COL6A6: variants seen among roughly 807,000 people sequenced by gnomAD.
The protein encoded by COL6A6 is collagen type VI alpha 6 chain.
A neutral mutation model predicts 208.6 loss-of-function variants in COL6A6; 183 were observed. The ratio of observed to expected loss-of-function variants is 0.88; its 90% CI spans 0.78 to 0.99. The LOEUF (loss-of-function observed/expected upper bound fraction) is 0.99, where lower values mean the gene tolerates loss of function less well. COL6A6 is among the 50% of genes least tolerant of loss of function. The pLI, the probability that COL6A6 is intolerant of heterozygous loss-of-function variation, is 0.00. For missense variants in COL6A6, 2,816 were observed against 2,815.2 expected (o/e 1.00, Z -0.01); for synonymous variants, 973 against 1,011.8 (o/e 0.96, Z 0.73).
intron 12 of COL6A6, chr3:130,590,081 T>A (rs566872921): frequency 4.8e-6 from 2 of 415,528 alleles, no homozygotes; most frequent in Admixed American, 5.3e-5. Flanking sequence ...CTTAAAAGAT[T>A]TTTTAATAAA....
At chr3:130,578,238 T>A (rs1560018465) in intron 8 of COL6A6, among the ~76,000 whole-genome samples, 1 of 152,270 alleles carries the variant, frequency 6.6e-6, no homozygotes, top group East Asian at 1.9e-4. Context: ...ATTAGTCTCA[T>A]TAGGGTAAGA....
Position 130,565,425 on chromosome 3 carries a change from C to T in COL6A6, c.1093C>T (p.Leu365=). 1 of 1,613,926 alleles carries T rather than the reference C, an allele frequency of 6.2e-7. No individual in the cohort carries two copies. The highest frequency in any genetic ancestry group is 1.1e-5 in the South Asian group (1 of 91,078). The change falls in exon 4 of 37, where the codon CTG becomes TTG. Residue 365 remains leucine, a synonymous_variant. Transcript: ENST00000358511. ...LRREGVTIFT[L]GIEGASDTQL... ...ACGGGAGGGTGTGACCATCTTCACC[C>T]TGGGCATAGAGGGCGCCAGCGACAC... is the stretch of plus-strand genomic sequence containing the variant.
chr3:130,560,381 T>C lies in COL6A6; in HGVS notation c.17T>C (p.Leu6Ser). ...GGTCATAATATGATGTTGCTAATTT[T>C]GTTCCTCGTGATAATTTGTTCCCAT... MMLLI[L>S]FLVIICSHIS... Residue 6 changes from leucine (L) to serine (S), a missense_variant, in exon 2 of 37, where the codon TTG (leucine) becomes TCG (serine). Transcript: ENST00000358511. 1 of 1,612,102 alleles carries C rather than the reference T, an allele frequency of 6.2e-7. No homozygotes were observed. Among genetic ancestry groups the C allele is most frequent in the South Asian group, 1.1e-5 (1 of 90,296 alleles).
chr3:130,521,400 G>T (rs544131849), intron 1 of COL6A6, among the ~76,000 whole-genome samples: 3 of 152,290 alleles, frequency 2.0e-5, no homozygotes, highest in African/African-American at 7.2e-5. Context: ...ACCACAGTAT[G>T]TCAAATGGTC....
chr3:130,607,679 C>A (rs2064225436), intron 21 of COL6A6, among the ~76,000 whole-genome samples: 1 of 151,876 alleles, frequency 6.6e-6, no homozygotes, highest in African/African-American at 2.4e-5. Context: ...GTAATACATG[C>A]CAGAAAATAA....
Position 130,563,395 on chromosome 3 carries a change from T to C in COL6A6, c.392T>C (p.Phe131Ser). The C allele has an allele frequency of 6.2e-7, 1 of 1,613,990 alleles. No homozygotes were observed. The highest frequency in any genetic ancestry group is 2.2e-5 in the East Asian group (1 of 44,876). ...GCAAATGGGAGAGACAAGAAACAGTTTCCCCCAATTCTAGTGGTCCTGGCT... is the reference window on the plus strand; with the variant it reads ...GCAAATGGGAGAGACAAGAAACAGTCTCCCCCAATTCTAGTGGTCCTGGCT... ...APANGRDKKQFPPILVVLASS... is the reference protein window; with the variant it reads ...APANGRDKKQSPPILVVLASS... Residue 131 changes from phenylalanine to serine, a missense_variant, in exon 3 of 37, where the codon TTT becomes TCT. By Grantham distance (155) the Phe-to-Ser change is radical (BLOSUM62 -2). Coordinates refer to ENST00000358511, the MANE Select transcript of COL6A6 (RefSeq NM_001102608.3).
intron 22 of COL6A6, 83 bp downstream of exon 22, chr3:130,609,047 C>T: frequency 1.0e-6 from 1 of 980,102 alleles, no homozygotes; most frequent in Non-Finnish European, 1.6e-6. Context: ...TAGAAACCTT[C>T]AAATCTCCCT....
At chr3:130,623,150 T>C (rs1251229953) in intron 24 of COL6A6, among the ~76,000 whole-genome samples, 1 of 152,046 alleles carries the variant, frequency 6.6e-6, no homozygotes, top group Non-Finnish European at 1.5e-5. Flanking sequence ...AATAGGCAAC[T>C]CAGTGTAGAA....
At chr3:130,655,576 G>A (rs2065765155) in intron 33 of COL6A6, among the ~76,000 whole-genome samples, 1 of 152,180 alleles carries the variant, frequency 6.6e-6, no homozygotes, top group East Asian at 1.9e-4. Flanking sequence ...AGATCAATGG[G>A]CACAGTGGAC....
At position 130,560,240 on chromosome 3, in the gene COL6A6, C is replaced by T. The variant is rs1042366601; in HGVS notation, c.-31-94C>T. On this transcript the variant is annotated intron_variant, in intron 1 of 36. Transcript: ENST00000358511. ...CAGAAATTCCTTGTCCCCTGTTACA[C>T]CCAATTTATTATATAATTTTGTATG... is the stretch of plus-strand genomic sequence containing the variant. The T allele has an allele frequency of 1.3e-5, 9 of 695,728 alleles. No homozygotes were observed. The African/African-American group carries it at 1.5e-4, about 11-fold the overall frequency. The allele number at this position is 695,728 out of a possible 1,614,324, so 43.1% of individuals were successfully genotyped here.
chr3:130,535,089 C>G (rs562405427), intron 1 of COL6A6, among the ~76,000 whole-genome samples: 1 of 150,636 alleles, frequency 6.6e-6, no homozygotes, highest in Non-Finnish European at 1.5e-5. Context: ...AAATTCTCAT[C>G]CATGACCTCC....
chr3:130,658,311 C>G (rs1324028947), intron 33 of COL6A6, among the ~76,000 whole-genome samples: 1 of 152,166 alleles, frequency 6.6e-6, no homozygotes, highest in Non-Finnish European at 1.5e-5. Flanking sequence ...GAGCATAACT[C>G]ACTGTATTGC....
chr3:130,535,026 G>A (rs1218050645), intron 1 of COL6A6, among the ~76,000 whole-genome samples: 1 of 152,016 alleles, frequency 6.6e-6, no homozygotes, highest in Non-Finnish European at 1.5e-5. Context: ...CTCAAGTCAA[G>A]TCTTCATTTG....
Position 130,568,069 on chromosome 3 carries a change from C to G in COL6A6, c.1866C>G (p.Asp622Glu). 7 of 1,611,206 alleles carry G rather than the reference C, an allele frequency of 4.3e-6. No homozygotes were observed. Among genetic ancestry groups the G allele is most frequent in the Non-Finnish European group, 5.9e-6 (7 of 1,178,638 alleles). ...CAGCTTGCAAAGAGATGAAAGCTGA[C>G]ATCATGTTTCTGGTGGACAGTTCTG... The part of the protein sequence containing the change: ...TEEACKEMKA[D>E]IMFLVDSSGS... The change falls in exon 6 of 37, where the codon GAC becomes GAG. Residue 622 changes from aspartate to glutamate, a missense_variant. Transcript: ENST00000358511.
At chr3:130,653,727 T>C (rs1446767628) in intron 33 of COL6A6, among the ~76,000 whole-genome samples, 1 of 152,242 alleles carries the variant, frequency 6.6e-6, no homozygotes, top group Non-Finnish European at 1.5e-5. Context: ...CTAACTATAC[T>C]TATTCCAGTG....
intron 23 of COL6A6, 48 bp downstream of exon 23, chr3:130,610,759 T>C: frequency 1.5e-6 from 2 of 1,373,628 alleles, no homozygotes; most frequent in Non-Finnish European, 2.0e-6. Context: ...CTTGGCTTGA[T>C]ATGTCTTTGT....
At position 130,644,975 on chromosome 3, in the gene COL6A6, TG is replaced by T; in HGVS notation, c.5228-15del. 1 of 1,610,622 alleles carries T rather than the reference TG, an allele frequency of 6.2e-7. No homozygotes were observed. Among genetic ancestry groups the T allele is most frequent in the South Asian group, 1.1e-5 (1 of 91,026 alleles). Reference sequence around the variant, plus strand: ...TACCAAATAATAATCCAATCTCCTTTGTTCTTCTTCCCCAGCTGGCAGGCAT... The same window carrying T: ...TACCAAATAATAATCCAATCTCCTTTTTCTTCTTCCCCAGCTGGCAGGCAT... On this transcript the variant is annotated splice_polypyrimidine_tract_variant and intron_variant, in intron 31 of 36. Coordinates refer to ENST00000358511, the MANE Select transcript of COL6A6 (RefSeq NM_001102608.3).
intron 1 of COL6A6, among the ~76,000 whole-genome samples, chr3:130,551,563 A>G (rs889794167): frequency 1.3e-5 from 2 of 148,630 alleles, no homozygotes; most frequent in Non-Finnish European, 3.0e-5. Flanking sequence ...TGTTTTCTGT[A>G]TTAGTCTAGC....
intron 36 of COL6A6, among the ~76,000 whole-genome samples, chr3:130,672,045 C>T (rs971624415): frequency 5.3e-5 from 8 of 152,314 alleles, no homozygotes; most frequent in East Asian, 1.9e-4. Flanking sequence ...TTCCAAAGTA[C>T]GTTTTCTGGG....
Sources: gnomAD v4.1 joint callset for allele counts (sites outside exome capture counted in the v4.1 genomes callset) on GRCh38, gnomAD v4.1.1 for gene constraint, MANE v1.5 for transcripts, NCBI Gene and HGNC (gene_info 2026-07-23, HGNC 2026-07-21) for gene names.